AFF3: variants seen among roughly 807,000 people sequenced by gnomAD.
AFF3 encodes AF4/FMR2 family member 3.
In AFF3, 32 loss-of-function variants were observed where a neutral mutation model predicts 129.7. The observed-to-expected ratio is 0.25, with a 90% CI of 0.19 to 0.33. The LOEUF (loss-of-function observed/expected upper bound fraction) is 0.33, where lower values mean the gene tolerates loss of function less well. Ranked by LOEUF, AFF3 falls within the 10% of genes least tolerant of loss-of-function variation. The probability of loss-of-function intolerance (pLI) is 1.00; values close to 1 mark genes in which losing one functional copy is unlikely to be tolerated. For missense variants in AFF3, 1,373 were observed against 1,592.0 expected (o/e 0.86, Z 2.34); for synonymous variants, 644 against 635.4 (o/e 1.01, Z -0.20).
intron 9 of AFF3, among the ~76,000 whole-genome samples, chr2:99,745,777 T>C (rs1575850626): frequency 6.6e-6 from 1 of 152,228 alleles, no homozygotes; most frequent in Non-Finnish European, 1.5e-5. Flanking sequence ...CTCAGGTAAA[T>C]AGAGATTGAA....
chr2:100,041,670 C>T (rs1466234172), intron 4 of AFF3, among the ~76,000 whole-genome samples: 1 of 152,192 alleles, frequency 6.6e-6, no homozygotes, highest in Non-Finnish European at 1.5e-5. Context: ...GCATGCCCTA[C>T]TCGGAGGAAC....
chr2:99,881,877 C>T (rs565180022), intron 7 of AFF3, among the ~76,000 whole-genome samples: 37 of 152,154 alleles, frequency 2.4e-4, no homozygotes, highest in Non-Finnish European at 4.4e-4. Context: ...GAACATTACC[C>T]GTTCCTATGA....
intron 13 of AFF3, among the ~76,000 whole-genome samples, chr2:99,633,936 A>ATTTT (rs1683369958): frequency 9.8e-6 from 1 of 102,406 alleles, no homozygotes; most frequent in African/African-American, 4.5e-5. Context: ...TTTTTTTGAG[A>ATTTT]TGGAGTCTCG....
chr2:99,915,972 A>T (rs1415344963), intron 7 of AFF3, among the ~76,000 whole-genome samples: 1 of 152,200 alleles, frequency 6.6e-6, no homozygotes, highest in African/African-American at 2.4e-5. Context: ...TTCTTCAAAA[A>T]TGTAAAGTTT....
chr2:100,056,201 C>T (rs191199914), intron 4 of AFF3, among the ~76,000 whole-genome samples: 14 of 152,130 alleles, frequency 9.2e-5, no homozygotes, highest in Admixed American at 8.5e-4. Flanking sequence ...CTCAAAGTGG[C>T]TGGCTGAAAT....
At chr2:100,038,623 C>T (rs1347957578) in intron 4 of AFF3, among the ~76,000 whole-genome samples, 2 of 152,060 alleles carry the variant, frequency 1.3e-5, no homozygotes, top group African/African-American at 2.4e-5. Context: ...ACCTGTGACA[C>T]ATACATGCAC....
intron 7 of AFF3, among the ~76,000 whole-genome samples, chr2:99,945,153 C>T (rs1675438975): frequency 6.6e-6 from 1 of 152,208 alleles, no homozygotes; most frequent in Non-Finnish European, 1.5e-5. Flanking sequence ...GCAAACCGAG[C>T]ACACAGGAAC....
At position 99,549,074 on chromosome 2, in the gene AFF3, C is replaced by A. The variant is rs1220261332; in HGVS notation, c.*2400G>T. On this transcript the variant is annotated 3_prime_UTR_variant, in exon 25 of 25. Transcript: ENST00000672756. Reference sequence around the variant, plus strand: ...AGGGAAGCTCATCACATAGATGTTACAACAAAGTCTGCAACTTTCAAGGTG... The same window carrying A: ...AGGGAAGCTCATCACATAGATGTTAAAACAAAGTCTGCAACTTTCAAGGTG... 8 of 227,230 alleles carry A rather than the reference C, an allele frequency of 3.5e-5. No homozygotes were observed. Among genetic ancestry groups the A allele is most frequent in the Non-Finnish European group, 6.1e-5 (7 of 114,398 alleles). The allele number at this position is 227,230 out of a possible 1,614,324, so 14.1% of individuals were successfully genotyped here. A position where few individuals can be genotyped will look rare whatever the true frequency, so the allele number is the denominator to read the frequency against.
In AFF3 at chr2:99,969,499, A is replaced by T. The variant is rs1404583664; in HGVS notation, c.873+37133T>A. Among the ~76,000 whole-genome samples, 4 of 151,794 alleles carry T rather than the reference A, an allele frequency of 2.6e-5. No homozygotes were observed. In the East Asian group the frequency reaches 5.8e-4, roughly 22 times the overall value. Reference sequence around the variant, plus strand: ...TTTTCATTTATTTATTTATTTATTTATTTTTTGAGACAGAGTTTCACTCTT... The same window carrying T: ...TTTTCATTTATTTATTTATTTATTTTTTTTTTGAGACAGAGTTTCACTCTT... On this transcript the variant is annotated intron_variant, in intron 7 of 24. Coordinates refer to ENST00000672756, the MANE Select transcript of AFF3 (RefSeq NM_001386135.1).
intron 14 of AFF3, among the ~76,000 whole-genome samples, chr2:99,598,250 C>T (rs998230903): frequency 2.6e-5 from 4 of 151,992 alleles, no homozygotes; most frequent in Admixed American, 2.6e-4. Context: ...TTTTTTTCCT[C>T]CACGTAATAT....
chr2:99,615,270 G>A (rs1681305696), intron 13 of AFF3, among the ~76,000 whole-genome samples: 2 of 152,210 alleles, frequency 1.3e-5, no homozygotes, highest in African/African-American at 4.8e-5. Context: ...CGCTGTAAAA[G>A]GCTTCTCTGA....
At chr2:100,039,803 T>C (rs538907300) in intron 4 of AFF3, among the ~76,000 whole-genome samples, 37 of 152,230 alleles carry the variant, frequency 2.4e-4, no homozygotes, top group Non-Finnish European at 4.1e-4. Context: ...TTGGAAACAG[T>C]CCCTGAGGTG....
chr2:99,696,984 G>A (rs1372336853), intron 11 of AFF3, among the ~76,000 whole-genome samples: 2 of 152,196 alleles, frequency 1.3e-5, no homozygotes, highest in African/African-American at 4.8e-5. Context: ...GGACCTGCCA[G>A]CCTTGCAGTT....
chr2:100,103,730 T>G (rs59697307), intron 4 of AFF3, among the ~76,000 whole-genome samples: 3,862 of 148,312 alleles, frequency 0.026, 151 homozygotes, highest in African/African-American at 0.09. Context: ...GGCGCCCGGG[T>G]GGGGTGGGGA....
chr2:99,848,013 G>A (rs1198333766), intron 7 of AFF3, among the ~76,000 whole-genome samples: 1 of 152,132 alleles, frequency 6.6e-6, no homozygotes. Context: ...TGGGTGCGGT[G>A]GCTCATGCCT....
At chr2:100,019,037 C>T (rs888708110) in intron 4 of AFF3, among the ~76,000 whole-genome samples, 4 of 152,128 alleles carry the variant, frequency 2.6e-5, no homozygotes, top group African/African-American at 9.7e-5. Context: ...AACCATGATG[C>T]CCTTCCCTGC....
chr2:99,881,364 A>T (rs190813029), intron 7 of AFF3, among the ~76,000 whole-genome samples: 2 of 151,892 alleles, frequency 1.3e-5, no homozygotes, highest in East Asian at 1.9e-4. Context: ...CTCAAAATGT[A>T]AATTAAATAG....
At chr2:99,950,728 C>G (rs1676077499) in intron 7 of AFF3, among the ~76,000 whole-genome samples, 1 of 152,168 alleles carries the variant, frequency 6.6e-6, no homozygotes, top group Non-Finnish European at 1.5e-5. Flanking sequence ...ACCTACTATA[C>G]ATAATTACAA....
intron 7 of AFF3, among the ~76,000 whole-genome samples, chr2:99,974,082 T>G (rs2104448576): frequency 6.6e-6 from 1 of 152,336 alleles, no homozygotes; most frequent in East Asian, 1.9e-4. Flanking sequence ...ATGTACAAAT[T>G]ATGTTAATAT....
Sources: gnomAD v4.1 joint callset for allele counts (sites outside exome capture counted in the v4.1 genomes callset) on GRCh38, gnomAD v4.1.1 for gene constraint, MANE v1.5 for transcripts, NCBI Gene and HGNC (gene_info 2026-07-23, HGNC 2026-07-21) for gene names.